MINPP1: variants seen among roughly 807,000 people sequenced by gnomAD.
The protein encoded by MINPP1 is multiple inositol-polyphosphate phosphatase 1.
A neutral mutation model predicts 46.1 loss-of-function variants in MINPP1; 28 were observed. The observed-to-expected ratio is 0.61, with a 90% CI of 0.45 to 0.83. The LOEUF is 0.83. Among genes scored for constraint, MINPP1 ranks in the 40% least tolerant of loss-of-function variants. The probability of loss-of-function intolerance (pLI) is 0.00; values close to 1 mark genes in which losing one functional copy is unlikely to be tolerated. For missense variants in MINPP1, 603 were observed against 610.0 expected, an observed-to-expected ratio of 0.99 and a Z score of 0.12; for synonymous variants, 268 against 249.1, an observed-to-expected ratio of 1.08 and a Z score of -0.72.
Position 87,552,217 on chromosome 10 carries a change from G to A in MINPP1, c.1203G>A (p.Arg401=). Residue 401 remains arginine, a synonymous_variant, in exon 5 of 5, where the codon CGG becomes CGA. Coordinates refer to ENST00000371996, the MANE Select transcript of MINPP1 (RefSeq NM_004897.5). The part of the protein sequence containing the change: ...TAYNYKKQMH[R]KFRSGLIVPY... ...ACAATTACAAAAAACAAATGCATCG[G>A]AAGTTCCGAAGTGGTCTCATTGTAC... 2 of 1,613,774 alleles carry A rather than the reference G, an allele frequency of 1.2e-6. No homozygotes were observed. The highest frequency in any genetic ancestry group is 1.7e-6 in the Non-Finnish European group (2 of 1,179,804).
intron 4 of MINPP1, among the ~76,000 whole-genome samples, chr10:87,523,028 C>T (rs76406397): frequency 8.5e-4 from 129 of 152,314 alleles, no homozygotes; most frequent in Non-Finnish European, 1.6e-3. Flanking sequence ...CTCAGGTGTT[C>T]AAGTTTGATC....
intron 4 of MINPP1, among the ~76,000 whole-genome samples, chr10:87,538,475 T>G (rs1851769818): frequency 6.6e-6 from 1 of 152,228 alleles, no homozygotes; most frequent in Non-Finnish European, 1.5e-5. Context: ...TCTGGTACTT[T>G]AAGGTAGGAC....
intron 2 of MINPP1, 34 bp downstream of exon 2, chr10:87,508,567 C>T (rs1851289956): frequency 6.4e-7 from 1 of 1,561,634 alleles, no homozygotes; most frequent in Non-Finnish European, 8.8e-7. Context: ...TTGAACTTAA[C>T]AGTTTAAATA....
chr10:87,529,921 C>T (rs1421161680), intron 4 of MINPP1, among the ~76,000 whole-genome samples: 1 of 152,132 alleles, frequency 6.6e-6, no homozygotes, highest in Non-Finnish European at 1.5e-5. Flanking sequence ...TCTTTTTTCT[C>T]TAAACTTCTC....
intron 4 of MINPP1, among the ~76,000 whole-genome samples, chr10:87,534,338 CA>C (rs1455157192): frequency 3.9e-5 from 6 of 152,162 alleles, no homozygotes; most frequent in African/African-American, 1.4e-4. Flanking sequence ...TACAGGATTA[CA>C]GGGGTGAGCC....
At chr10:87,548,047 T>G (rs1046312518) in intron 4 of MINPP1, among the ~76,000 whole-genome samples, 5 of 152,172 alleles carry the variant, frequency 3.3e-5, no homozygotes, top group African/African-American at 9.7e-5. Flanking sequence ...TTTTCAAGCT[T>G]CTTAGTTTTT....
chr10:87,535,644 C>T (rs1365534149), intron 4 of MINPP1, among the ~76,000 whole-genome samples: 4 of 151,992 alleles, frequency 2.6e-5, no homozygotes, highest in Admixed American at 6.6e-5. Flanking sequence ...AAAAATTTTC[C>T]TGGCCTGGCG....
Position 87,519,009 on chromosome 10 carries a change from C to T in MINPP1, c.934-2027C>T, listed in dbSNP as rs573224701. ...CCCTTTCAGGGCAGGATCTTAAGAC[C>T]CCCAGAAAGGCAGGAAGATTAGAGT... is the stretch of plus-strand genomic sequence containing the variant. On this transcript the variant is annotated intron_variant, in intron 3 of 4. Coordinates refer to ENST00000371996, the MANE Select transcript of MINPP1 (RefSeq NM_004897.5). 1.2e-4 allele frequency among the ~76,000 whole-genome samples: 19 copies of T among 152,188 alleles called. No individual in the cohort carries two copies. The South Asian group carries it at 2.9e-3, about 23-fold the overall frequency.
At chr10:87,537,991 A>AT (rs924417129) in intron 4 of MINPP1, among the ~76,000 whole-genome samples, 1 of 150,744 alleles carries the variant, frequency 6.6e-6, no homozygotes, top group African/African-American at 2.4e-5. Flanking sequence ...ATTTATTTTT[A>AT]TTTTTTTCTC....
Position 87,552,636 on chromosome 10 carries a change from T to G in MINPP1, c.*158T>G. The G allele has an allele frequency of 1.4e-6, 1 of 730,806 alleles. No individual in the cohort carries two copies. Among genetic ancestry groups the G allele is most frequent in the South Asian group, 1.9e-5 (1 of 51,514 alleles). The allele number at this position is 730,806 out of a possible 1,614,324, so 45.3% of individuals were successfully genotyped here. A position where few individuals can be genotyped will look rare whatever the true frequency, so the allele number is the denominator to read the frequency against. On this transcript the variant is annotated 3_prime_UTR_variant, in exon 5 of 5. Coordinates refer to ENST00000371996, the MANE Select transcript of MINPP1 (RefSeq NM_004897.5). The stretch of plus-strand genomic sequence containing the variant: ...TTGGGTTTCTCTCTGGGTTTGGACA[T>G]GAAATGTAAGAAAAGATTTTTCACT...
intron 3 of MINPP1, among the ~76,000 whole-genome samples, 169 bp from the exon 4 acceptor site, chr10:87,520,867 T>C (rs1305022060): frequency 6.6e-6 from 1 of 152,118 alleles, no homozygotes; most frequent in Non-Finnish European, 1.5e-5. Context: ...AATCTCTCTG[T>C]GGTATGAACC....
At chr10:87,543,065 A>T (rs771669141) in intron 4 of MINPP1, among the ~76,000 whole-genome samples, 1 of 152,192 alleles carries the variant, frequency 6.6e-6, no homozygotes. Context: ...TGAGGATGTT[A>T]TTGGGAACTA....
chr10:87,532,631 A>G (rs111377675), intron 4 of MINPP1, among the ~76,000 whole-genome samples: 5 of 152,374 alleles, frequency 3.3e-5, no homozygotes, highest in African/African-American at 1.2e-4. Context: ...ATTTTGCTGA[A>G]TTAAGATTAA....
chr10:87,514,304 C>T (rs973267724), intron 3 of MINPP1, among the ~76,000 whole-genome samples: 4 of 152,142 alleles, frequency 2.6e-5, no homozygotes, highest in Non-Finnish European at 4.4e-5. Flanking sequence ...TGTATAACCA[C>T]AATACAGAAT....
At chr10:87,538,419 A>C (rs192959399) in intron 4 of MINPP1, among the ~76,000 whole-genome samples, 2 of 152,262 alleles carry the variant, frequency 1.3e-5, no homozygotes, top group Admixed American at 1.3e-4. Context: ...TCCTTTTCTT[A>C]TAACTATTGT....
intron 4 of MINPP1, 136 bp from the exon 5 acceptor site, chr10:87,551,946 A>G: frequency 1.4e-6 from 1 of 700,820 alleles, no homozygotes; most frequent in Non-Finnish European, 2.3e-6. Flanking sequence ...ATGCTTGTGT[A>G]ATGTATATAA....
intron 1 of MINPP1, among the ~76,000 whole-genome samples, chr10:87,506,020 CTTTT>C (rs568866798): frequency 2.1e-5 from 3 of 142,950 alleles, no homozygotes; most frequent in Non-Finnish European, 4.6e-5. Context: ...TTCCTTCTTT[CTTTT>C]TTTTTTTTTT....
At chr10:87,525,093 T>C (rs1309206231) in intron 4 of MINPP1, among the ~76,000 whole-genome samples, 1 of 152,228 alleles carries the variant, frequency 6.6e-6, no homozygotes, top group East Asian at 1.9e-4. Context: ...CAAAATGCAG[T>C]ATCTACAAAG....
chr10:87,538,182 T>G (rs1205752578), intron 4 of MINPP1, among the ~76,000 whole-genome samples: 1 of 151,928 alleles, frequency 6.6e-6, no homozygotes, highest in African/African-American at 2.4e-5. Context: ...CATACGCATG[T>G]GCTGTTCAGT....
Sources: allele counts gnomAD v4.1 joint callset (sites outside exome capture counted in the v4.1 genomes callset), GRCh38; gene constraint gnomAD v4.1.1; transcripts MANE v1.5; gene names NCBI Gene and HGNC (gene_info 2026-07-23, HGNC 2026-07-21).